Variants in SAMD4A observed in about 807,000 individuals in gnomAD.
SAMD4A encodes protein Smaug homolog 1.
Under a neutral mutation model 81.3 loss-of-function variants are expected in SAMD4A, and 33 were observed. The ratio of observed to expected loss-of-function variants is 0.41; its 90% CI spans 0.31 to 0.54. The LOEUF is 0.54. Among genes scored for constraint, SAMD4A ranks in the 20% least tolerant of loss-of-function variants. SAMD4A has a pLI of 0.37. For missense variants in SAMD4A, 854 were observed against 951.1 expected (o/e 0.90, Z 1.34); for synonymous variants, 389 against 382.1 (o/e 1.02, Z -0.21).
intron 6 of SAMD4A, chr14:54,754,963 C>G (rs996793338): frequency 6.3e-6 from 3 of 474,076 alleles, no homozygotes; most frequent in African/African-American, 6.3e-5. Context: ...AGATATGGCA[C>G]CATATGATCT....
rs981995337 is a variant in SAMD4A at position 54,791,018 on chromosome 14, A to G, written c.*2074A>G. ...GGTTCAGACCTCTCCTTGGGTGACT[A>G]AGTTCTAAAGATGCAAATCCATGTG... On this transcript the variant is annotated 3_prime_UTR_variant, in exon 13 of 13. Coordinates refer to ENST00000554335, the MANE Select transcript of SAMD4A (RefSeq NM_015589.6). The G allele has an allele frequency of 9.9e-5, 15 of 152,156 alleles. No individual in the cohort carries two copies. The highest frequency in any genetic ancestry group is 3.6e-4 in the African/African-American group (15 of 41,444). The allele number at this position is 152,156 out of a possible 1,614,324, so 9.4% of individuals were successfully genotyped here.
At chr14:54,665,512 A>C (rs1167280821) in intron 2 of SAMD4A, among the ~76,000 whole-genome samples, 2 of 152,258 alleles carry the variant, frequency 1.3e-5, no homozygotes, top group African/African-American at 4.8e-5. Flanking sequence ...TAGAAAAGAA[A>C]TGTTCCTCTC....
At chr14:54,657,663 G>A (rs2035549851) in intron 2 of SAMD4A, among the ~76,000 whole-genome samples, 1 of 152,188 alleles carries the variant, frequency 6.6e-6, no homozygotes, top group Non-Finnish European at 1.5e-5. Context: ...GCAGTGATGT[G>A]GTCCATGTAA....
chr14:54,681,803 T>C, intron 2 of SAMD4A: 1 of 985,288 alleles, frequency 1.0e-6, no homozygotes, highest in Non-Finnish European at 1.2e-6. Flanking sequence ...GGGAGATGAG[T>C]TTAGCAGGGC....
In SAMD4A at chr14:54,774,979, G is replaced by A. The variant is rs781161078; in HGVS notation, c.1761G>A (p.Val587=). ...QSNSLPTAGS[V]GGGMGRRNPR... is the part of the protein sequence containing the mutation. ...ACTCCCTCCCGACGGCTGGCTCTGT[G>A]GGCGGTGGCATGGGCAGACGGAACC... is the stretch of plus-strand genomic sequence containing the variant. Residue 587 remains valine, a synonymous_variant, in exon 10 of 13, where the codon GTG becomes GTA. Coordinates refer to ENST00000554335, the MANE Select transcript of SAMD4A (RefSeq NM_015589.6). 6.2e-7 allele frequency: 1 copy of A among 1,614,088 alleles called. No individual in the cohort carries two copies. The highest frequency in any genetic ancestry group is 8.5e-7 in the Non-Finnish European group (1 of 1,180,050).
At chr14:54,595,183 G>A (rs114392092) in intron 2 of SAMD4A, among the ~76,000 whole-genome samples, 2,541 of 152,032 alleles carry the variant, frequency 0.017, 71 homozygotes, top group African/African-American at 0.053. Context: ...CAACACAAAG[G>A]TCACTTCTCA....
At chr14:54,644,719 T>A (rs2035248725) in intron 2 of SAMD4A, among the ~76,000 whole-genome samples, 1 of 152,206 alleles carries the variant, frequency 6.6e-6, no homozygotes, top group Non-Finnish European at 1.5e-5. Context: ...TGTAGTAAGT[T>A]AGTATGATTC....
At chr14:54,774,258 G>A (rs1243579834) in intron 9 of SAMD4A, among the ~76,000 whole-genome samples, 1 of 152,236 alleles carries the variant, frequency 6.6e-6, no homozygotes, top group Non-Finnish European at 1.5e-5. Context: ...ACAAAGGAGA[G>A]AGCACCTACT....
intron 3 of SAMD4A, among the ~76,000 whole-genome samples, chr14:54,718,634 C>T (rs2037182837): frequency 6.6e-6 from 1 of 152,036 alleles, no homozygotes; most frequent in African/African-American, 2.4e-5. Flanking sequence ...AGATGTTAAC[C>T]CTGTGAGACC....
intron 2 of SAMD4A, chr14:54,685,567 A>G: frequency 2.0e-5 from 8 of 403,808 alleles, no homozygotes; most frequent in South Asian, 1.4e-4. Context: ...GAACATTGGT[A>G]CGCTAGTACT....
intron 2 of SAMD4A, among the ~76,000 whole-genome samples, chr14:54,621,475 G>T (rs138526693): frequency 4.1e-4 from 62 of 151,988 alleles, no homozygotes; most frequent in African/African-American, 1.4e-3. Flanking sequence ...TCAGCTTCCT[G>T]CGTAGCTGGG....
chr14:54,678,429 CCAT>C (rs2036038873), intron 2 of SAMD4A, among the ~76,000 whole-genome samples: 3 of 106,152 alleles, frequency 2.8e-5, no homozygotes, highest in African/African-American at 1.2e-4. Context: ...TGGGCAGTCA[CCAT>C]TTGTGTGTGT....
chr14:54,616,730 A>T (rs188155638), intron 2 of SAMD4A, among the ~76,000 whole-genome samples: 3 of 152,356 alleles, frequency 2.0e-5, no homozygotes. Context: ...ATTTATTAAT[A>T]ATTATTTTGT....
chr14:54,737,527 ACTCT>A (rs4026223), intron 4 of SAMD4A, among the ~76,000 whole-genome samples: 21 of 117,432 alleles, frequency 1.8e-4, no homozygotes, highest in South Asian at 6.3e-4. Flanking sequence ...AGGTCAACCC[ACTCT>A]CTCTCTCTCT....
chr14:54,740,111 A>G (rs1373454172), intron 4 of SAMD4A, among the ~76,000 whole-genome samples: 1 of 152,258 alleles, frequency 6.6e-6, no homozygotes, highest in African/African-American at 2.4e-5. Flanking sequence ...TAGAGGTTGC[A>G]GTGAGCCAAG....
chr14:54,678,622 C>T (rs1386858097), intron 2 of SAMD4A, among the ~76,000 whole-genome samples: 1 of 145,506 alleles, frequency 6.9e-6, no homozygotes, highest in African/African-American at 2.8e-5. Context: ...GATCACGGCT[C>T]ACTGCAAGCT....
chr14:54,692,876 G>GACCC (rs11464919), intron 2 of SAMD4A: 1 of 132,412 alleles, frequency 7.6e-6, no homozygotes, highest in Non-Finnish European at 1.6e-5. Context: ...ATCACTTAGT[G>GACCC]CCCCCCCCCG....
At chr14:54,658,075 C>T (rs543723397) in intron 2 of SAMD4A, among the ~76,000 whole-genome samples, 2 of 152,218 alleles carry the variant, frequency 1.3e-5, no homozygotes, top group East Asian at 3.9e-4. Context: ...TTGGGAAAGT[C>T]GAGGCAGGCA....
At chr14:54,753,003 C>T (rs1162448560) in intron 6 of SAMD4A, among the ~76,000 whole-genome samples, 1 of 152,248 alleles carries the variant, frequency 6.6e-6, no homozygotes, top group Admixed American at 6.5e-5. Flanking sequence ...ACCTGTCTTG[C>T]CTCCCATCAC....
Sources: allele counts gnomAD v4.1 joint callset (sites outside exome capture counted in the v4.1 genomes callset), GRCh38; gene constraint gnomAD v4.1.1; transcripts MANE v1.5; gene names NCBI Gene and HGNC (gene_info 2026-07-23, HGNC 2026-07-21).